Variants in NFIX observed in about 807,000 individuals in gnomAD.
NFIX encodes the protein nuclear factor 1 X-type.
NFIX carries 2 observed loss-of-function variants against 53.3 expected under a neutral mutation model. The ratio of observed to expected loss-of-function variants is 0.04; its 90% CI spans 0.02 to 0.12. The LOEUF is 0.12. Ranked by LOEUF, NFIX falls within the 10% of genes least tolerant of loss-of-function variation. The pLI, the probability that NFIX is intolerant of heterozygous loss-of-function variation, is 1.00. For missense variants in NFIX, 310 were observed against 674.5 expected (o/e 0.46, Z 5.99); for synonymous variants, 244 against 289.0 (o/e 0.84, Z 1.58).
rs2018400003 is a variant in NFIX at position 13,095,638 on chromosome 19, G to C, written c.*989G>C. 1 of 152,522 alleles carries C rather than the reference G, an allele frequency of 6.6e-6. No homozygotes were observed. Among genetic ancestry groups the C allele is most frequent in the East Asian group, 1.9e-4 (1 of 5,154 alleles). The allele number at this position is 152,522 out of a possible 1,614,324, so 9.4% of individuals were successfully genotyped here. Reference sequence around the variant, plus strand: ...CATGCAGACTGCCCTGCTGGGGCCGGGCCGGAGGGTGGAGCAGAAAGGGGA... The same window carrying C: ...CATGCAGACTGCCCTGCTGGGGCCGCGCCGGAGGGTGGAGCAGAAAGGGGA... On this transcript the variant is annotated 3_prime_UTR_variant, in exon 11 of 11. Transcript: ENST00000592199.
intron 8 of NFIX, among the ~76,000 whole-genome samples, chr19:13,084,008 C>T (rs923614418): frequency 1.3e-5 from 2 of 152,236 alleles, no homozygotes; most frequent in Non-Finnish European, 2.9e-5. Context: ...TGCCTCACCC[C>T]CAGAGCATCT....
chr19:13,004,989 G>A (rs1003329900), intron 1 of NFIX, among the ~76,000 whole-genome samples: 5 of 152,040 alleles, frequency 3.3e-5, no homozygotes, highest in African/African-American at 1.2e-4. Flanking sequence ...GCTAATTTTT[G>A]TATTTTTAGT....
At chr19:13,054,826 T>C (rs1432051462) in intron 2 of NFIX, among the ~76,000 whole-genome samples, 1 of 152,064 alleles carries the variant, frequency 6.6e-6, no homozygotes, top group African/African-American at 2.4e-5. Context: ...GAGAACACTT[T>C]CGAATGTCAG....
chr19:13,057,465 C>T (rs566953744), intron 2 of NFIX, among the ~76,000 whole-genome samples: 11 of 152,334 alleles, frequency 7.2e-5, no homozygotes, highest in East Asian at 1.9e-4. Context: ...AGGAGCCCTA[C>T]GAGCTGCAGA....
chr19:13,003,918 C>T (rs1468705858), intron 1 of NFIX, among the ~76,000 whole-genome samples: 2 of 151,910 alleles, frequency 1.3e-5, no homozygotes, highest in African/African-American at 4.8e-5. Context: ...GGGACTACAG[C>T]CGAGCACCAC....
Position 13,078,685 on chromosome 19 carries a change from G to T in NFIX, c.1028G>T (p.Arg343Leu). 1.3e-6 allele frequency: 2 copies of T among 1,599,216 alleles called. No individual in the cohort carries two copies. Among genetic ancestry groups the T allele is most frequent in the Non-Finnish European group, 8.5e-7 (1 of 1,173,268 alleles). ...SALSSQGSSP[R>L]MAFTHHPLPV... ...CTCTCCTCTCAGGGCAGCTCCCCGC[G>T]CATGGCTTTCACCCACCACCCGCTG... The change falls in exon 7 of 11, where the codon CGC becomes CTC. Residue 343 changes from arginine (R) to leucine (L), a missense_variant. By Grantham distance (102) the Arg-to-Leu change is moderately radical (BLOSUM62 -2). This residue lies in a region of NFIX where 164 missense variants were observed against 284.4 expected (regional missense o/e 0.58). Coordinates refer to ENST00000592199, the MANE Select transcript of NFIX (RefSeq NM_001365902.3). This position sits in a 1 kb window ranked among gnomAD's most constrained non-coding sequence, Gnocchi z 4.7.
At chr19:13,042,355 C>CTTTTTTTTTTT (rs35785662) in intron 2 of NFIX, among the ~76,000 whole-genome samples, 4 of 100,588 alleles carry the variant, frequency 4.0e-5, no homozygotes, top group Non-Finnish European at 5.6e-5. Flanking sequence ...CTTTTACATG[C>CTTTTTTTTTTT]TTTTTTTTTT....
chr19:13,065,793 C>T lies in NFIX; in HGVS notation c.560-7254C>T, dbSNP rs555204595. 1.9e-4 allele frequency among the ~76,000 whole-genome samples: 29 copies of T among 152,242 alleles called. 1 individual carries two copies. Among genetic ancestry groups the T allele is most frequent in the East Asian group, 1.9e-4 (1 of 5,190 alleles). ...AAAGGAGTTCTCCCTGGGCTGGGGA[C>T]GGCTGCTAATGAACGGGAGCCAAGC... On this transcript the variant is annotated intron_variant, in intron 2 of 10. Transcript: ENST00000592199.
At chr19:13,084,808 A>G (rs2017677635) in intron 8 of NFIX, among the ~76,000 whole-genome samples, 1 of 151,858 alleles carries the variant, frequency 6.6e-6, no homozygotes, top group Non-Finnish European at 1.5e-5. Flanking sequence ...GGTGGCTTAT[A>G]CCTGTAATCC....
At chr19:13,026,724 TTC>T (rs34744744) in intron 2 of NFIX, among the ~76,000 whole-genome samples, 278 of 145,760 alleles carry the variant, frequency 1.9e-3, no homozygotes, top group African/African-American at 6.0e-3. Context: ...TACCAAACCT[TTC>T]TCTCTCTCTC....
intron 1 of NFIX, among the ~76,000 whole-genome samples, chr19:13,023,070 T>TCTCTCTCTCTCTCTCTCTCTC (rs2013036703): frequency 2.9e-5 from 4 of 138,070 alleles, no homozygotes; most frequent in African/African-American, 1.2e-4. Flanking sequence ...TTCTCTCTCT[T>TCTCTCTCTCTCTCTCTCTCTC]TCTCTCTCTC....
chr19:12,998,469 A>G lies in NFIX; in HGVS notation c.27+2605A>G, dbSNP rs2011549821. 6.6e-6 allele frequency among the ~76,000 whole-genome samples: 1 copy of G among 151,986 alleles called. No homozygotes were observed. Among genetic ancestry groups the G allele is most frequent in the Non-Finnish European group, 1.5e-5 (1 of 68,000 alleles). ...GGGCGAGGGGGAAGGGCGGGGGGAAAAATCTCCTTCTAGAAAAAGCATCGA... is the reference window on the plus strand; with the variant it reads ...GGGCGAGGGGGAAGGGCGGGGGGAAGAATCTCCTTCTAGAAAAAGCATCGA... On this transcript the variant is annotated intron_variant, in intron 1 of 10. Transcript: ENST00000592199. The surrounding 1 kb of genome is among the most constrained non-coding windows in gnomAD (Gnocchi z 4.4).
intron 10 of NFIX, among the ~76,000 whole-genome samples, chr19:13,091,001 G>A (rs1008376543): frequency 5.9e-5 from 9 of 152,110 alleles, no homozygotes; most frequent in Non-Finnish European, 1.3e-4. Context: ...GTTCTCACCA[G>A]GAGACAGATC....
Position 13,027,353 on chromosome 19 carries a change from T to A in NFIX, c.559+1801T>A, listed in dbSNP as rs1163298318. The stretch of plus-strand genomic sequence containing the variant: ...AAACAGACTGAGAGGGAAAAAAAAG[T>A]TATCCCCTCATTCTCTGTCTATACA... On this transcript the variant is annotated intron_variant, in intron 2 of 10. Transcript: ENST00000592199. The surrounding 1 kb of genome is among the most constrained non-coding windows in gnomAD (Gnocchi z 4.3). Among the ~76,000 whole-genome samples the A allele has an allele frequency of 6.6e-6, 1 of 152,134 alleles. No homozygotes were observed. The highest frequency in any genetic ancestry group is 1.5e-5 in the Non-Finnish European group (1 of 68,028).
At position 13,088,098 on chromosome 19, in the gene NFIX, C is replaced by T. The variant is rs1252838069; in HGVS notation, c.1364C>T (p.Thr455Ile). Reference protein sequence around the residue: ...LPMPDSKSTSTAPDGAALTPP... With the variant: ...LPMPDSKSTSIAPDGAALTPP... ...ATGCCTGATTCCAAATCCACCAGCA[C>T]TGCCCCAGACGGCGCCGCCTTGACT... The change falls in exon 9 of 11, where the codon ACT (threonine) becomes ATT (isoleucine). Residue 455 changes from threonine (T) to isoleucine (I), a missense_variant. By Grantham distance (89) the Thr-to-Ile change is moderately conservative. Transcript: ENST00000592199. The surrounding 1 kb of genome is among the most constrained non-coding windows in gnomAD (Gnocchi z 5.9). The T allele has an allele frequency of 6.5e-7, 1 of 1,536,574 alleles. No individual in the cohort carries two copies. Among genetic ancestry groups the T allele is most frequent in the South Asian group, 1.2e-5 (1 of 84,068 alleles).
chr19:13,004,597 T>C (rs1465536713), intron 1 of NFIX, among the ~76,000 whole-genome samples: 3 of 152,120 alleles, frequency 2.0e-5, no homozygotes, highest in Non-Finnish European at 4.4e-5. Flanking sequence ...CAGCTGTCTT[T>C]GCGCAGCAGC....
intron 1 of NFIX, among the ~76,000 whole-genome samples, chr19:13,015,978 T>C (rs1314844580): frequency 2.0e-5 from 3 of 152,264 alleles, no homozygotes; most frequent in Non-Finnish European, 4.4e-5. Context: ...CTAAGCCATA[T>C]AAATTATGAG....
intron 1 of NFIX, among the ~76,000 whole-genome samples, chr19:12,997,627 G>T (rs1468179711): frequency 6.6e-6 from 1 of 152,200 alleles, no homozygotes; most frequent in East Asian, 1.9e-4. Context: ...GATGTTTGGG[G>T]CCTAGTGGAA....
At chr19:13,029,806 G>A (rs755707984) in intron 2 of NFIX, among the ~76,000 whole-genome samples, 3 of 152,150 alleles carry the variant, frequency 2.0e-5, no homozygotes, top group Non-Finnish European at 2.9e-5. Flanking sequence ...TCTTGGTTTC[G>A]GCACTCTAGT....
Sources: gnomAD v4.1 joint callset for allele counts (sites outside exome capture counted in the v4.1 genomes callset) on GRCh38, gnomAD v4.1.1 for gene constraint, gnomAD v4.1.1 regional missense constraint, Gnocchi (gnomAD v3.1) non-coding constraint, MANE v1.5 for transcripts, NCBI Gene and HGNC (gene_info 2026-07-23, HGNC 2026-07-21) for gene names.